TRIM14: variants seen among roughly 807,000 people sequenced by gnomAD.
The protein encoded by TRIM14 is tripartite motif-containing protein 14.
TRIM14 carries 28 observed loss-of-function variants against 44.5 expected under a neutral mutation model. The observed-to-expected ratio is 0.63, with a 90% CI of 0.47 to 0.86. The LOEUF (loss-of-function observed/expected upper bound fraction) is 0.86. Ranked by LOEUF, TRIM14 falls within the 40% of genes least tolerant of loss-of-function variation. TRIM14 has a pLI of 0.00. For missense variants in TRIM14, 607 were observed against 611.1 expected (o/e 0.99, Z 0.07); for synonymous variants, 299 against 269.2 (o/e 1.11, Z -1.08).
intron 5 of TRIM14, among the ~76,000 whole-genome samples, chr9:98,091,318 A>G (rs746278377): frequency 6.6e-6 from 1 of 152,168 alleles, no homozygotes; most frequent in African/African-American, 2.4e-5. Context: ...TTAGCTGGGC[A>G]TGGTGGCACA....
chr9:98,112,672 G>A (rs1025311795), intron 1 of TRIM14, among the ~76,000 whole-genome samples: 11 of 150,980 alleles, frequency 7.3e-5, no homozygotes, highest in African/African-American at 2.2e-4. Flanking sequence ...GGTGGTGCAC[G>A]CCTGTAATCA....
the TRIM14 span, among the ~76,000 whole-genome samples, chr9:98,044,256 G>A: frequency 6.6e-6 from 1 of 151,742 alleles, no homozygotes; most frequent in Non-Finnish European, 1.5e-5. Context: ...TTTTGGTGAG[G>A]GTTCCCTGTA....
chr9:98,100,733 CA>C (rs1826359666), intron 2 of TRIM14, among the ~76,000 whole-genome samples: 1 of 152,014 alleles, frequency 6.6e-6, no homozygotes, highest in Non-Finnish European at 1.5e-5. Flanking sequence ...TAAAAGAACT[CA>C]AATTATATAT....
At chr9:98,080,721 T>G, downstream of TRIM14, 1 of 1,395,536 alleles carries the variant, frequency 7.2e-7, no homozygotes, top group South Asian at 1.4e-5. Context: ...AGCTAGTGAG[T>G]GGCTAAACCG....
At chr9:98,113,460 T>A (rs1332408670) in intron 1 of TRIM14, among the ~76,000 whole-genome samples, 4 of 152,128 alleles carry the variant, frequency 2.6e-5, no homozygotes, top group African/African-American at 9.7e-5. Context: ...GCTCAAGCAA[T>A]CCTCCTGCCT....
chr9:98,035,976 C>T, the TRIM14 span, among the ~76,000 whole-genome samples: 8 of 151,688 alleles, frequency 5.3e-5, no homozygotes, highest in Admixed American at 2.0e-4. Flanking sequence ...TTTGGGAGGC[C>T]GAGGTGGGTG....
chr9:98,065,483 ATTTT>A (rs397837187), downstream of TRIM14, among the ~76,000 whole-genome samples: 32 of 58,628 alleles, frequency 5.5e-4, no homozygotes, highest in Admixed American at 8.0e-4. Flanking sequence ...TGCCCAGCTA[ATTTT>A]TTTTTTTTTT....
At chr9:98,082,311 G>C (rs1428228241), downstream of TRIM14, 3 of 152,816 alleles carry the variant, frequency 2.0e-5, no homozygotes, top group East Asian at 5.8e-4. Context: ...CGGTGTGTCA[G>C]GAGTTAAGAA....
At chr9:98,091,497 T>G (rs952161135) in intron 5 of TRIM14, among the ~76,000 whole-genome samples, 4 of 152,082 alleles carry the variant, frequency 2.6e-5, no homozygotes, top group African/African-American at 9.7e-5. Context: ...GCTCACTGTA[T>G]AAATCCCAAA....
chr9:98,050,540 G>A, the TRIM14 span, among the ~76,000 whole-genome samples: 6 of 152,216 alleles, frequency 3.9e-5, no homozygotes, highest in South Asian at 2.1e-4. Context: ...GTCACATTTA[G>A]CACGAGTGAC....
the TRIM14 span, among the ~76,000 whole-genome samples, chr9:98,060,267 G>C: frequency 6.6e-6 from 1 of 152,152 alleles, no homozygotes; most frequent in Non-Finnish European, 1.5e-5. Context: ...AATAGGGGGA[G>C]GTCTCCCATC....
chr9:98,116,552 C>T (rs1289672519), intron 1 of TRIM14, among the ~76,000 whole-genome samples: 1 of 151,806 alleles, frequency 6.6e-6, no homozygotes, highest in African/African-American at 2.4e-5. Context: ...AAAGTCAAAT[C>T]CAGGCCAGGC....
At chr9:98,101,825 C>T (rs1378230053) in intron 2 of TRIM14, among the ~76,000 whole-genome samples, 1 of 151,914 alleles carries the variant, frequency 6.6e-6, no homozygotes, top group African/African-American at 2.4e-5. Context: ...TACCAAGATT[C>T]TCAGTATATA....
the TRIM14 span, among the ~76,000 whole-genome samples, chr9:98,037,247 A>G: frequency 1.4e-4 from 21 of 152,142 alleles, no homozygotes; most frequent in African/African-American, 5.1e-4. Context: ...GTGTGGTGGC[A>G]GGCACCTGTA....
chr9:98,090,361 T>C (rs1334893868), intron 5 of TRIM14, among the ~76,000 whole-genome samples: 1 of 152,174 alleles, frequency 6.6e-6, no homozygotes, highest in Non-Finnish European at 1.5e-5. Flanking sequence ...TACTGAAAGT[T>C]CAAAAACAGG....
At chr9:98,073,726 C>T (rs532737280) in intron 6 of TRIM14, among the ~76,000 whole-genome samples, 14 of 152,192 alleles carry the variant, frequency 9.2e-5, no homozygotes, top group African/African-American at 3.1e-4. Flanking sequence ...CCACAGGACA[C>T]AGTACAGAAA....
At chr9:98,090,665 G>A (rs1825962103) in intron 5 of TRIM14, among the ~76,000 whole-genome samples, 1 of 151,062 alleles carries the variant, frequency 6.6e-6, no homozygotes, top group South Asian at 2.1e-4. Context: ...CCGGGTTCAA[G>A]CGATTCTCCT....
chr9:98,076,626 C>T (rs1386822834), intron 6 of TRIM14: 7 of 336,040 alleles, frequency 2.1e-5, no homozygotes, highest in East Asian at 8.6e-5. Flanking sequence ...CTGCCCGCCT[C>T]GGCCTCCCAA....
At chr9:98,111,112 C>T (rs933867341) in intron 1 of TRIM14, among the ~76,000 whole-genome samples, 1 of 151,796 alleles carries the variant, frequency 6.6e-6, no homozygotes, top group Non-Finnish European at 1.5e-5. Flanking sequence ...AGCCAGAGAA[C>T]TCTTCCAGGT....
Sources: gnomAD v4.1 joint callset for allele counts (sites outside exome capture counted in the v4.1 genomes callset) on GRCh38, gnomAD v4.1.1 for gene constraint, MANE v1.5 for transcripts, NCBI Gene and HGNC (gene_info 2026-07-23, HGNC 2026-07-21) for gene names.